The following ABLIM1 variants were observed in gnomAD, a reference collection of about 807,000 sequenced individuals.
ABLIM1 encodes actin binding LIM protein 1.
ABLIM1 carries 40 observed loss-of-function variants against 107.0 expected under a neutral mutation model. That is an observed-to-expected ratio of 0.37 (90% CI 0.29 to 0.49). The LOEUF (loss-of-function observed/expected upper bound fraction) is 0.49. Ranked by LOEUF, ABLIM1 falls within the 20% of genes least tolerant of loss-of-function variation. ABLIM1 has a pLI of 0.97. For missense variants in ABLIM1, 857 were observed against 1,008.5 expected (o/e 0.85, Z 2.04); for synonymous variants, 357 against 357.3 (o/e 1.00, Z 0.01).
At chr10:114,798,560 C>CT in the ABLIM1 span, among the ~76,000 whole-genome samples, 1 of 138,476 alleles carries the variant, frequency 7.2e-6, no homozygotes, top group Non-Finnish European at 1.5e-5. Flanking sequence ...GATGAGACCC[C>CT]CCCCCCATGT....
At chr10:114,473,682 C>A (rs192756726) in intron 9 of ABLIM1, among the ~76,000 whole-genome samples, 197 bp downstream of exon 9, 129 of 152,242 alleles carry the variant, frequency 8.5e-4, no homozygotes, top group African/African-American at 2.5e-3. Context: ...TCTGATCACT[C>A]TGTTGATGGT....
upstream of ABLIM1, among the ~76,000 whole-genome samples, chr10:114,768,778 T>G (rs2082966038): frequency 6.6e-6 from 1 of 152,098 alleles, no homozygotes; most frequent in South Asian, 2.1e-4. Context: ...GGTCTGTGCA[T>G]ACACTTGATT....
At chr10:114,485,494 G>GTTTACTCTCA in intron 8 of ABLIM1, 1 of 903,588 alleles carries the variant, frequency 1.1e-6, no homozygotes, top group Non-Finnish European at 1.6e-6. Flanking sequence ...ACTAACTTGA[G>GTTTACTCTCA]AGTAAACATC....
chr10:114,657,548 C>T (rs1194096405), intron 1 of ABLIM1, among the ~76,000 whole-genome samples: 1 of 152,170 alleles, frequency 6.6e-6, no homozygotes. Flanking sequence ...TACACAGTGA[C>T]ACAATTTGGA....
intron 1 of ABLIM1, among the ~76,000 whole-genome samples, chr10:114,604,379 T>C (rs2076265073): frequency 1.3e-5 from 2 of 152,236 alleles, no homozygotes; most frequent in Non-Finnish European, 2.9e-5. Context: ...CAAGTTCAAG[T>C]GCCGTTCTAA....
Position 114,431,903 on chromosome 10 carries a change from A to C in ABLIM1, c.*4357T>G, listed in dbSNP as rs2058892548. The stretch of plus-strand genomic sequence containing the variant: ...CATGATTAAACTTGCCCAAATAAAA[A>C]CATAACAATCCATATGCAAAGCATA... On this transcript the variant is annotated 3_prime_UTR_variant, in exon 23 of 23. Transcript: ENST00000533213. The C allele has an allele frequency of 6.6e-6, 1 of 152,192 alleles. No individual in the cohort carries two copies. Among genetic ancestry groups the C allele is most frequent in the African/African-American group, 2.4e-5 (1 of 41,444 alleles). 9.4% of individuals were successfully genotyped at this position (152,192 alleles called of 1,614,324 possible).
chr10:114,644,296 A>T (rs1170306947), intron 1 of ABLIM1, among the ~76,000 whole-genome samples: 4 of 100,856 alleles, frequency 4.0e-5, no homozygotes, highest in African/African-American at 2.1e-4. Flanking sequence ...AAAAAAAAAA[A>T]AAAAAAAAAA....
At chr10:114,666,044 C>T (rs548819813) in intron 1 of ABLIM1, among the ~76,000 whole-genome samples, 135 of 152,288 alleles carry the variant, frequency 8.9e-4, no homozygotes, top group African/African-American at 3.0e-3. Context: ...CTTCCCATAG[C>T]GTGGGCAAAT....
intron 1 of ABLIM1, among the ~76,000 whole-genome samples, chr10:114,749,122 A>C (rs554559969): frequency 6.6e-6 from 1 of 152,216 alleles, no homozygotes; most frequent in Non-Finnish European, 1.5e-5. Flanking sequence ...CTGAAAACAT[A>C]ATGATTTATG....
chr10:114,617,338 T>C (rs1358721566), intron 1 of ABLIM1, among the ~76,000 whole-genome samples: 2 of 149,246 alleles, frequency 1.3e-5, no homozygotes, highest in Non-Finnish European at 3.0e-5. Context: ...CTTGGCTCAC[T>C]GCAACCTCTG....
chr10:114,641,681 G>A (rs933322978), intron 1 of ABLIM1, among the ~76,000 whole-genome samples: 1 of 152,272 alleles, frequency 6.6e-6, no homozygotes, highest in Non-Finnish European at 1.5e-5. Flanking sequence ...AATAAGCCGT[G>A]TAGATTCTGA....
At chr10:114,626,262 A>G (rs1049162073) in intron 1 of ABLIM1, among the ~76,000 whole-genome samples, 21 of 152,288 alleles carry the variant, frequency 1.4e-4, no homozygotes, top group Admixed American at 1.2e-3. Context: ...GGCTACTATC[A>G]AACCATAAAG....
At chr10:114,600,144 GTAACTTGT>G (rs2075837806) in intron 2 of ABLIM1, among the ~76,000 whole-genome samples, 1 of 152,112 alleles carries the variant, frequency 6.6e-6, no homozygotes, top group East Asian at 1.9e-4. Flanking sequence ...AGAGAGACAA[GTAACTTGT>G]CCACAATCAG....
At chr10:114,529,228 G>A (rs954497102) in intron 6 of ABLIM1, among the ~76,000 whole-genome samples, 2 of 151,440 alleles carry the variant, frequency 1.3e-5, no homozygotes, top group Non-Finnish European at 2.9e-5. Context: ...GGGTTCAAGC[G>A]ATTCTCCTGC....
In ABLIM1 at chr10:114,767,305, C is replaced by T. The variant is rs548970988; in HGVS notation, c.-213+756G>A. Reference sequence around the variant, plus strand: ...ACTTTCTAAAAATAATCAATATTTTCTTTAAATGCTTACGGCAAAGCAACC... The same window carrying T: ...ACTTTCTAAAAATAATCAATATTTTTTTTAAATGCTTACGGCAAAGCAACC... On this transcript the variant is annotated intron_variant, in intron 1 of 15. Transcript: ENST00000651092. Among the ~76,000 whole-genome samples, 4 of 152,308 alleles carry T rather than the reference C, an allele frequency of 2.6e-5. 1 individual carries two copies. In the South Asian group the frequency reaches 6.2e-4, roughly 24 times the overall value.
intron 1 of ABLIM1, among the ~76,000 whole-genome samples, chr10:114,741,960 A>G (rs1248010173): frequency 6.6e-6 from 1 of 152,238 alleles, no homozygotes; most frequent in African/African-American, 2.4e-5. Context: ...AGAAGTTTCT[A>G]GAGACGTGGA....
rs1030196711 is a variant in ABLIM1, at chr10:114,439,920, C to T, written c.2067+162G>A. On this transcript the variant is annotated intron_variant, in intron 20 of 22. Coordinates refer to ENST00000533213, the MANE Select transcript of ABLIM1 (RefSeq NM_002313.7). ...CTGCAGGGACAGCTTGACCCAGGCACCAGGCATGTCTGCTCTTCACGGCTA... is the reference window on the plus strand; with the variant it reads ...CTGCAGGGACAGCTTGACCCAGGCATCAGGCATGTCTGCTCTTCACGGCTA... The T allele has an allele frequency of 5.6e-6, 7 of 1,250,652 alleles. No individual in the cohort carries two copies. The African/African-American group carries it at 1.0e-4, about 19-fold the overall frequency. 77.5% of individuals were successfully genotyped at this position (1,250,652 alleles called of 1,614,324 possible). A position where few individuals can be genotyped will look rare whatever the true frequency, so the allele number is the denominator to read the frequency against.
Position 114,491,828 on chromosome 10 carries a change from G to T in ABLIM1, c.945C>A (p.Asn315Lys). ...HPSCARCSRCNQMFTEGEEMY... is the reference protein window; with the variant it reads ...HPSCARCSRCKQMFTEGEEMY... ...TTTCCTCTCCTTCTGTGAACATCTG[G>T]TTGCATCTGCTGCATCGTGCACAGC... Residue 315 changes from asparagine to lysine, a missense_variant, in exon 7 of 23, where the codon AAC (asparagine) becomes AAA (lysine). By Grantham distance (94) the Asn-to-Lys change is moderately conservative. This residue lies in a region of ABLIM1 where 381 missense variants were observed against 506.9 expected (regional missense o/e 0.75). Coordinates refer to ENST00000533213, the MANE Select transcript of ABLIM1 (RefSeq NM_002313.7). The T allele has an allele frequency of 6.2e-7, 1 of 1,612,452 alleles. No homozygotes were observed. The highest frequency in any genetic ancestry group is 8.5e-7 in the Non-Finnish European group (1 of 1,178,720).
upstream of ABLIM1, among the ~76,000 whole-genome samples, chr10:114,685,594 T>C (rs928741599): frequency 1.3e-5 from 2 of 152,162 alleles, no homozygotes; most frequent in African/African-American, 4.8e-5. Context: ...TGCCTGGAAC[T>C]TGGTGCCTCT....
Sources: gnomAD v4.1 joint callset for allele counts (sites outside exome capture counted in the v4.1 genomes callset) on GRCh38, gnomAD v4.1.1 for gene constraint, gnomAD v4.1.1 regional missense constraint, MANE v1.5 for transcripts, NCBI Gene and HGNC (gene_info 2026-07-23, HGNC 2026-07-21) for gene names.